The following SEC11A variants were observed in gnomAD, a reference collection of about 807,000 sequenced individuals.
SEC11A encodes signal peptidase complex catalytic subunit SEC11A.
Under a neutral mutation model 25.6 loss-of-function variants are expected in SEC11A, and 14 were observed. The observed-to-expected ratio is 0.55, with a 90% CI of 0.36 to 0.85. SEC11A has a LOEUF of 0.85. SEC11A is among the 40% of genes least tolerant of loss of function. The probability of loss-of-function intolerance (pLI) is 0.01; values close to 1 mark genes in which losing one functional copy is unlikely to be tolerated. For missense variants in SEC11A, 153 were observed against 222.9 expected (o/e 0.69, Z 2.00); for synonymous variants, 83 against 76.4 (o/e 1.09, Z -0.45).
In SEC11A at chr15:84,670,064, T is replaced by C; in HGVS notation, c.495A>G (p.Ala165=). The C allele has an allele frequency of 6.2e-7, 1 of 1,612,968 alleles. No homozygotes were observed. Among genetic ancestry groups the C allele is most frequent in the South Asian group, 1.1e-5 (1 of 90,786 alleles). Residue 165 remains alanine, a synonymous_variant, in exon 6 of 6, where the codon GCA becomes GCG. Coordinates refer to ENST00000268220, the MANE Select transcript of SEC11A (RefSeq NM_014300.4). ...CGAATAAACCCAGCAAAAAGAGAAC[T>C]GCATACTAGAAAATAAACACAGAAC... ...LMNDYPKFKY[A]VLFLLGLFVL...
intron 3 of SEC11A, chr15:84,686,658 C>T (rs1897432776): frequency 6.6e-6 from 1 of 152,156 alleles, no homozygotes; most frequent in South Asian, 2.1e-4. Flanking sequence ...TTTCACTTCT[C>T]GTCTGTGTGT....
At chr15:84,681,549 G>A (rs951950752) in intron 3 of SEC11A, among the ~76,000 whole-genome samples, 15 of 152,116 alleles carry the variant, frequency 9.9e-5, no homozygotes, top group African/African-American at 3.4e-4. Context: ...AGAATCACTT[G>A]AACCCAGGAG....
intron 3 of SEC11A, among the ~76,000 whole-genome samples, chr15:84,682,622 T>G (rs1897310414): frequency 6.6e-6 from 1 of 152,028 alleles, no homozygotes; most frequent in South Asian, 2.1e-4. Context: ...CTATTTTTTT[T>G]GTATTTTTAG....
At chr15:84,708,573 C>G (rs988056055) in intron 1 of SEC11A, among the ~76,000 whole-genome samples, 34 of 151,972 alleles carry the variant, frequency 2.2e-4, no homozygotes, top group Admixed American at 4.6e-4. Context: ...TCAAAGATAC[C>G]TAGGCAACAG....
intron 4 of SEC11A, chr15:84,671,042 C>CA: frequency 3.4e-6 from 1 of 293,006 alleles, no homozygotes; most frequent in Non-Finnish European, 6.3e-6. Flanking sequence ...CAGATAGAGC[C>CA]AAGGTCTTAG....
intron 4 of SEC11A, among the ~76,000 whole-genome samples, chr15:84,679,705 CGACCA>C (rs1897234275): frequency 6.6e-6 from 1 of 152,178 alleles, no homozygotes; most frequent in Non-Finnish European, 1.5e-5. Flanking sequence ...CAGCCACTTA[CGACCA>C]TCAGTATAAT....
At chr15:84,679,233 G>A (rs898286587) in intron 4 of SEC11A, 4 of 1,230,626 alleles carry the variant, frequency 3.3e-6, no homozygotes, top group Non-Finnish European at 4.3e-6. Flanking sequence ...CACATTAGCA[G>A]CATCTTGGGA....
At chr15:84,676,776 A>G (rs900856861) in intron 4 of SEC11A, among the ~76,000 whole-genome samples, 2 of 150,198 alleles carry the variant, frequency 1.3e-5, no homozygotes, top group Non-Finnish European at 3.0e-5. Flanking sequence ...ACAAGAGCAA[A>G]ACTCCATCTC....
intron 3 of SEC11A, among the ~76,000 whole-genome samples, chr15:84,683,890 G>A (rs1897345815): frequency 6.6e-6 from 1 of 152,132 alleles, no homozygotes; most frequent in South Asian, 2.1e-4. Context: ...CTGAGTGAAG[G>A]CATATTTACA....
At chr15:84,674,956 C>A in intron 4 of SEC11A, among the ~76,000 whole-genome samples, 1 of 152,220 alleles carries the variant, frequency 6.6e-6, no homozygotes, top group Middle Eastern at 3.4e-3. Context: ...ATCTAAGGAT[C>A]CCAGAATATG....
At chr15:84,693,196 T>C (rs1186450087) in intron 1 of SEC11A, among the ~76,000 whole-genome samples, 1 of 151,918 alleles carries the variant, frequency 6.6e-6, no homozygotes, top group East Asian at 1.9e-4. Context: ...TGTCATTCAA[T>C]GTCATGGAAA....
intron 5 of SEC11A, 198 bp downstream of exon 5, chr15:84,670,527 C>A: frequency 2.7e-6 from 1 of 365,494 alleles, no homozygotes; most frequent in East Asian, 5.5e-5. Context: ...GCGTGAGCCA[C>A]TGCGCCCAGG....
intron 1 of SEC11A, among the ~76,000 whole-genome samples, chr15:84,707,687 G>C (rs1364702413): frequency 6.6e-6 from 1 of 152,106 alleles, no homozygotes; most frequent in Non-Finnish European, 1.5e-5. Context: ...TAAAACCACA[G>C]TTTCTCCTAA....
chr15:84,689,609 CTTTTTTTT>C (rs11316103), intron 2 of SEC11A, among the ~76,000 whole-genome samples: 1 of 122,556 alleles, frequency 8.2e-6, no homozygotes, highest in Admixed American at 8.1e-5. Context: ...TCTTTTCTTT[CTTTTTTTT>C]TTTTTTTTTG....
intron 1 of SEC11A, among the ~76,000 whole-genome samples, chr15:84,701,826 T>C (rs555549921): frequency 1.1e-4 from 16 of 152,088 alleles, no homozygotes; most frequent in Non-Finnish European, 2.9e-5. Flanking sequence ...TCCCAGCACA[T>C]TGGGAGGCCA....
chr15:84,677,534 G>A (rs1178432996), intron 4 of SEC11A, among the ~76,000 whole-genome samples: 1 of 149,110 alleles, frequency 6.7e-6, no homozygotes. Context: ...GTGCAGTGGC[G>A]TGATCTCGGC....
At position 84,700,096 on chromosome 15, in the gene SEC11A, A is replaced by G. The variant is rs1481591976; in HGVS notation, c.52-8452T>C. On this transcript the variant is annotated intron_variant, in intron 1 of 5. Coordinates refer to ENST00000268220, the MANE Select transcript of SEC11A (RefSeq NM_014300.4). ...GCTTGAGAAGACCAAACTGTTTCCAACTAACTTGCCTGTAACCCAGAATAA... is the reference window on the plus strand; with the variant it reads ...GCTTGAGAAGACCAAACTGTTTCCAGCTAACTTGCCTGTAACCCAGAATAA... Among the ~76,000 whole-genome samples, 52 of 151,968 alleles carry G rather than the reference A, an allele frequency of 3.4e-4. 1 individual carries two copies. The highest frequency in any genetic ancestry group is 3.4e-3 in the Admixed American group (52 of 15,282).
intron 1 of SEC11A, among the ~76,000 whole-genome samples, chr15:84,692,526 C>T (rs12900890): frequency 0.84 from 128,335 of 152,204 alleles, 54,551 homozygotes; most frequent in African/African-American, 0.96. Context: ...CTCCAACAAA[C>T]TCTAAAATTC....
At chr15:84,679,871 A>C (rs1897239767) in intron 4 of SEC11A, 2 of 1,196,848 alleles carry the variant, frequency 1.7e-6, no homozygotes, top group Non-Finnish European at 2.4e-6. Flanking sequence ...AGTTATTGTT[A>C]ATACTATTAA....
Sources: gnomAD v4.1 joint callset for allele counts (sites outside exome capture counted in the v4.1 genomes callset) on GRCh38, gnomAD v4.1.1 for gene constraint, MANE v1.5 for transcripts, NCBI Gene and HGNC (gene_info 2026-07-23, HGNC 2026-07-21) for gene names.